Variants in SDK1 observed in about 807,000 individuals in gnomAD.
The protein encoded by SDK1 is sidekick cell adhesion molecule 1, also known as protein sidekick-1.
SDK1 carries 157 observed loss-of-function variants against 245.5 expected under a neutral mutation model. That is an observed-to-expected ratio of 0.64 (90% CI 0.56 to 0.73). The LOEUF is 0.73. Among genes scored for constraint, SDK1 ranks in the 30% least tolerant of loss-of-function variants. The pLI is 0.00. For missense variants in SDK1, 3,583 were observed against 3,002.3 expected (o/e 1.19, Z -4.52); for synonymous variants, 1,647 against 1,278.5 (o/e 1.29, Z -6.15).
At chr7:3,313,455 G>A (rs559105338) in intron 1 of SDK1, among the ~76,000 whole-genome samples, 1 of 152,178 alleles carries the variant, frequency 6.6e-6, no homozygotes, top group Non-Finnish European at 1.5e-5. Flanking sequence ...TTGATGATTA[G>A]TAGTTGGAAC....
intron 13 of SDK1, among the ~76,000 whole-genome samples, chr7:3,983,879 C>G (rs904641535): frequency 6.6e-6 from 1 of 152,132 alleles, no homozygotes; most frequent in Non-Finnish European, 1.5e-5. Context: ...GGAGTGACTT[C>G]GGGGGACAGT....
chr7:4,105,275 G>A (rs766762417), intron 22 of SDK1, among the ~76,000 whole-genome samples: 4 of 151,880 alleles, frequency 2.6e-5, no homozygotes, highest in Non-Finnish European at 5.9e-5. Context: ...GAGCCACCGC[G>A]CCTGGCCAGG....
At chr7:4,143,204 A>C (rs1267580070) in intron 28 of SDK1, among the ~76,000 whole-genome samples, 2 of 152,124 alleles carry the variant, frequency 1.3e-5, no homozygotes, top group Non-Finnish European at 2.9e-5. Context: ...GCAGGGGCCT[A>C]AGGCACCACG....
chr7:3,546,210 A>G (rs1401845353), intron 1 of SDK1, among the ~76,000 whole-genome samples: 1 of 152,156 alleles, frequency 6.6e-6, no homozygotes, highest in Non-Finnish European at 1.5e-5. Context: ...CCTGAGGATG[A>G]TGACACCGCG....
chr7:4,198,951 T>A (rs1352162893), intron 35 of SDK1, among the ~76,000 whole-genome samples: 1 of 151,882 alleles, frequency 6.6e-6, no homozygotes, highest in Admixed American at 6.6e-5. Flanking sequence ...GTAGCTGAAA[T>A]TACAGGCACG....
intron 1 of SDK1, among the ~76,000 whole-genome samples, chr7:3,526,555 G>T (rs1217167440): frequency 1.3e-5 from 2 of 152,060 alleles, no homozygotes; most frequent in Non-Finnish European, 2.9e-5. Flanking sequence ...CAGATAGTTT[G>T]GTGGAATTCT....
At chr7:4,010,866 A>G (rs1785890271) in intron 14 of SDK1, 100 bp from the exon 15 acceptor site, 1 of 1,251,562 alleles carries the variant, frequency 8.0e-7, no homozygotes. Flanking sequence ...CTGTCCTGCT[A>G]AGCAAATGAG....
At chr7:3,968,044 C>T (rs1782211058) in intron 10 of SDK1, among the ~76,000 whole-genome samples, 1 of 152,242 alleles carries the variant, frequency 6.6e-6, no homozygotes, top group African/African-American at 2.4e-5. Context: ...TGCCTCAGGC[C>T]TCCTCGGGCC....
chr7:3,830,556 CA>C (rs1486069516), intron 5 of SDK1, among the ~76,000 whole-genome samples: 2 of 152,114 alleles, frequency 1.3e-5, no homozygotes, highest in Middle Eastern at 3.2e-3. Context: ...AGTGCAGTGG[CA>C]CATTCATGGC....
chr7:4,248,139 C>G (rs925795064), intron 44 of SDK1, among the ~76,000 whole-genome samples: 1 of 152,134 alleles, frequency 6.6e-6, no homozygotes, highest in Non-Finnish European at 1.5e-5. Flanking sequence ...TAAGCATATA[C>G]ATTCACGTAT....
At chr7:4,122,968 A>T (rs998928942) in intron 25 of SDK1, among the ~76,000 whole-genome samples, 1 of 152,134 alleles carries the variant, frequency 6.6e-6, no homozygotes, top group South Asian at 2.1e-4. Context: ...TCACCTCCCT[A>T]TCTCCACGTG....
chr7:4,264,753 A>C (rs1023957139), intron 44 of SDK1, among the ~76,000 whole-genome samples: 9 of 143,834 alleles, frequency 6.3e-5, no homozygotes, highest in Non-Finnish European at 1.1e-4. Context: ...ACCTCTCCTG[A>C]GTGAGGGAGG....
rs373067606 is a variant in SDK1 at position 3,771,713 on chromosome 7, T to C, written c.714-49737T>C. Among the ~76,000 whole-genome samples the C allele has an allele frequency of 3.3e-5, 5 of 152,362 alleles. No homozygotes were observed. The East Asian group carries it at 7.7e-4, about 24-fold the overall frequency. ...TTTTTCAAATGTCCTTTTAAAAGTA[T>C]GTAGCTTTGTTTTCCAATTTTTTTT... On this transcript the variant is annotated intron_variant, in intron 4 of 44. Transcript: ENST00000404826.
chr7:3,654,329 G>T (rs1783097257), intron 4 of SDK1, among the ~76,000 whole-genome samples: 2 of 152,180 alleles, frequency 1.3e-5, no homozygotes, highest in Non-Finnish European at 2.9e-5. Context: ...TAAGAAGATG[G>T]AAAGCGCCAC....
At chr7:4,207,203 C>T (rs1053997725) in intron 36 of SDK1, among the ~76,000 whole-genome samples, 13 of 152,318 alleles carry the variant, frequency 8.5e-5, no homozygotes, top group African/African-American at 3.1e-4. Context: ...GGCGTGCCAG[C>T]CCTGGGGCGC....
chr7:3,683,467 T>C (rs1784172174), intron 4 of SDK1, among the ~76,000 whole-genome samples: 1 of 152,046 alleles, frequency 6.6e-6, no homozygotes, highest in Non-Finnish European at 1.5e-5. Context: ...ATTATAATGA[T>C]TTTTATGTAA....
chr7:3,780,781 C>G (rs888075091), intron 4 of SDK1, among the ~76,000 whole-genome samples: 1 of 151,942 alleles, frequency 6.6e-6, no homozygotes, highest in Non-Finnish European at 1.5e-5. Context: ...AATGCAGGGG[C>G]TAGTCTTGCT....
In SDK1 at chr7:3,301,818, C is replaced by T. The variant is rs1020658052; in HGVS notation, c.232C>T (p.Pro78Ser). The change falls in exon 1 of 45, where the codon CCG (proline) becomes TCG (serine). Residue 78 changes from proline to serine, a missense_variant. Physicochemically the swap from Pro to Ser is moderately conservative, Grantham distance 74 (BLOSUM62 -1). Transcript: ENST00000404826. ...CGGGCGGCGGGCGGCAAAGTTGGGG[C>T]CGGGCCGCCGCGGCTGGTGGGCGCT... ...CGGRRAAKLG[P>S]GRRGWWALLA... 5.5e-6 allele frequency: 6 copies of T among 1,087,884 alleles called. No homozygotes were observed. The highest frequency in any genetic ancestry group is 1.1e-4 in the Admixed American group (2 of 18,862). The allele number at this position is 1,087,884 out of a possible 1,614,324, so 67.4% of individuals were successfully genotyped here. A position where few individuals can be genotyped will look rare whatever the true frequency, so the allele number is the denominator to read the frequency against.
In SDK1 at chr7:4,078,154, G is replaced by A. The variant is rs936626067; in HGVS notation, c.3202+965G>A. On this transcript the variant is annotated intron_variant, in intron 21 of 44. Coordinates refer to ENST00000404826, the MANE Select transcript of SDK1 (RefSeq NM_152744.4). The stretch of plus-strand genomic sequence containing the variant: ...TTTGGCCAAACCCCTGATAACCAAG[G>A]TGCAGGGAGGCACTGGAGTTGCTGT... Among the ~76,000 whole-genome samples, 55 of 152,276 alleles carry A rather than the reference G, an allele frequency of 3.6e-4. 1 individual carries two copies. Among genetic ancestry groups the A allele is most frequent in the Admixed American group, 3.4e-3 (52 of 15,296 alleles).
Sources: gnomAD v4.1 joint callset for allele counts (sites outside exome capture counted in the v4.1 genomes callset) on GRCh38, gnomAD v4.1.1 for gene constraint, MANE v1.5 for transcripts, NCBI Gene and HGNC (gene_info 2026-07-23, HGNC 2026-07-21) for gene names.